AGTPBP1: variants seen among roughly 807,000 people sequenced by gnomAD.
AGTPBP1 encodes the protein cytosolic carboxypeptidase 1.
AGTPBP1 carries 70 observed loss-of-function variants against 143.9 expected under a neutral mutation model. The observed-to-expected ratio is 0.49, with a 90% confidence interval of 0.40 to 0.59. The LOEUF (loss-of-function observed/expected upper bound fraction) is 0.59, where lower values mean the gene tolerates loss of function less well. Ranked by LOEUF, AGTPBP1 falls within the 20% of genes least tolerant of loss-of-function variation. The pLI is 0.00. For synonymous variants in AGTPBP1, 463 were observed against 500.2 expected, an observed-to-expected ratio of 0.93 and a Z score of 0.99; for missense variants, 1,229 against 1,464.5, an observed-to-expected ratio of 0.84 and a Z score of 2.62.
chr9:85,713,611 GACA>G (rs1172601698), intron 1 of AGTPBP1, among the ~76,000 whole-genome samples: 1 of 152,086 alleles, frequency 6.6e-6, no homozygotes, highest in African/African-American at 2.4e-5. Context: ...TATTTAAAGA[GACA>G]ACAAACACAC....
the AGTPBP1 span, among the ~76,000 whole-genome samples, chr9:85,763,301 A>T: frequency 6.6e-6 from 1 of 152,146 alleles, no homozygotes; most frequent in African/African-American, 2.4e-5. Flanking sequence ...ATGTGCTCCA[A>T]CATGGAAATT....
chr9:85,703,353 G>A (rs1836791591), intron 2 of AGTPBP1, among the ~76,000 whole-genome samples: 13 of 152,208 alleles, frequency 8.5e-5, no homozygotes, highest in Admixed American at 8.5e-4. Flanking sequence ...ATTACATAAA[G>A]GAATCAAGAG....
rs1032287975 is a variant in AGTPBP1, at chr9:85,608,218, AAGG to A, written c.2335+10762_2335+10764del. ...AGAATAAAAAATATTTAATGAGAAA[AAGG>A]AGGAATTTTATAATGACAAAGTCAC... On this transcript the variant is annotated intron_variant, in intron 17 of 25. Coordinates refer to ENST00000357081, the MANE Select transcript of AGTPBP1 (RefSeq NM_001330701.2). Among the ~76,000 whole-genome samples, 67 of 152,100 alleles carry A rather than the reference AAGG, an allele frequency of 4.4e-4. 1 individual carries two copies. Among genetic ancestry groups the A allele is most frequent in the Admixed American group, 3.3e-3 (50 of 15,276 alleles).
At chr9:85,645,909 T>C (rs1308092159) in intron 12 of AGTPBP1, among the ~76,000 whole-genome samples, 1 of 152,166 alleles carries the variant, frequency 6.6e-6, no homozygotes, top group African/African-American at 2.4e-5. Context: ...CTAAGAATCA[T>C]TATGCAAACA....
intron 17 of AGTPBP1, among the ~76,000 whole-genome samples, chr9:85,599,194 G>A (rs1203101312): frequency 6.8e-6 from 1 of 146,200 alleles, no homozygotes; most frequent in Non-Finnish European, 1.5e-5. Flanking sequence ...GGAGAGAGAG[G>A]GACAGAAGGA....
At chr9:85,775,314 A>G in the AGTPBP1 span, among the ~76,000 whole-genome samples, 1 of 151,766 alleles carries the variant, frequency 6.6e-6, no homozygotes, top group South Asian at 2.1e-4. Context: ...AAAAAAAAAA[A>G]AGTAAGAAAG....
chr9:85,735,148 G>T (rs1486667634), intron 1 of AGTPBP1, among the ~76,000 whole-genome samples: 1 of 152,204 alleles, frequency 6.6e-6, no homozygotes, highest in Non-Finnish European at 1.5e-5. Context: ...ATCAACGGAT[G>T]AATGCATAAA....
chr9:85,552,990 C>T (rs112076110), intron 25 of AGTPBP1, among the ~76,000 whole-genome samples: 2 of 152,116 alleles, frequency 1.3e-5, no homozygotes, highest in Admixed American at 1.3e-4. Context: ...GAAAGAAAAT[C>T]TTTCTATTTG....
intron 4 of AGTPBP1, among the ~76,000 whole-genome samples, 176 bp downstream of exon 4, chr9:85,681,092 T>C (rs1450973247): frequency 2.0e-5 from 3 of 152,040 alleles, no homozygotes; most frequent in Non-Finnish European, 2.9e-5. Context: ...AAACCTAAAA[T>C]GAATTTCCAT....
At chr9:85,626,295 A>G (rs1831290978) in intron 14 of AGTPBP1, among the ~76,000 whole-genome samples, 1 of 152,216 alleles carries the variant, frequency 6.6e-6, no homozygotes, top group South Asian at 2.1e-4. Flanking sequence ...TCTTTAAAAC[A>G]GTGATTGCAC....
At chr9:85,664,347 TA>T (rs1311072551) in intron 8 of AGTPBP1, among the ~76,000 whole-genome samples, 18 of 152,296 alleles carry the variant, frequency 1.2e-4, no homozygotes, top group African/African-American at 4.3e-4. Flanking sequence ...AAAAAGTATT[TA>T]AAATTCATAT....
At chr9:85,564,159 A>C (rs1302249557) in intron 25 of AGTPBP1, among the ~76,000 whole-genome samples, 1 of 152,260 alleles carries the variant, frequency 6.6e-6, no homozygotes, top group East Asian at 1.9e-4. Context: ...GGATCCAACC[A>C]ATGGCCAGCA....
chr9:85,564,362 T>A (rs1168442994), intron 25 of AGTPBP1, among the ~76,000 whole-genome samples: 1 of 152,202 alleles, frequency 6.6e-6, no homozygotes, highest in African/African-American at 2.4e-5. Context: ...CCATTGTATT[T>A]TAGAAGCACC....
At chr9:85,777,584 G>T in the AGTPBP1 span, among the ~76,000 whole-genome samples, 9 of 152,204 alleles carry the variant, frequency 5.9e-5, no homozygotes, top group Non-Finnish European at 1.2e-4. Context: ...CACAGAATGG[G>T]TTATCATATC....
intron 4 of AGTPBP1, among the ~76,000 whole-genome samples, chr9:85,680,371 G>A (rs909107154): frequency 2.0e-5 from 3 of 152,120 alleles, no homozygotes; most frequent in Admixed American, 6.5e-5. Flanking sequence ...ATCACCTGAT[G>A]TCAGGAGTTC....
the AGTPBP1 span, among the ~76,000 whole-genome samples, chr9:85,801,878 C>G: frequency 1.3e-5 from 2 of 152,108 alleles, no homozygotes; most frequent in African/African-American, 4.8e-5. Flanking sequence ...CAAAACTACT[C>G]ACTACTACAA....
At chr9:85,568,948 T>C (rs1827280375) in intron 25 of AGTPBP1, among the ~76,000 whole-genome samples, 1 of 152,004 alleles carries the variant, frequency 6.6e-6, no homozygotes, top group Non-Finnish European at 1.5e-5. Flanking sequence ...GGAAGATGGA[T>C]CCACAGGTCT....
chr9:85,767,597 C>T, the AGTPBP1 span, among the ~76,000 whole-genome samples: 9 of 152,106 alleles, frequency 5.9e-5, no homozygotes, highest in African/African-American at 1.7e-4. Context: ...CCACCCACCT[C>T]GGCCTCCCAA....
chr9:85,770,421 T>G, the AGTPBP1 span: 2 of 1,601,870 alleles, frequency 1.2e-6, no homozygotes, highest in Non-Finnish European at 1.7e-6. Flanking sequence ...GTGAAGCAAA[T>G]GTCTTGGAAA....
Sources: gnomAD v4.1 joint callset for allele counts (sites outside exome capture counted in the v4.1 genomes callset) on GRCh38, gnomAD v4.1.1 for gene constraint, MANE v1.5 for transcripts, NCBI Gene and HGNC (gene_info 2026-07-23, HGNC 2026-07-21) for gene names.